PCDHGA6: variants seen among roughly 807,000 people sequenced by gnomAD.
PCDHGA6 encodes the protein protocadherin gamma subfamily A, 6.
Under a neutral mutation model 60.6 loss-of-function variants are expected in PCDHGA6, and 41 were observed. The observed-to-expected ratio is 0.68, with a 90% CI of 0.53 to 0.88. The LOEUF is 0.88. PCDHGA6 is among the 40% of genes least tolerant of loss of function. The probability of loss-of-function intolerance (pLI) is 0.00; values close to 1 mark genes in which losing one functional copy is unlikely to be tolerated. For missense variants in PCDHGA6, 1,312 were observed against 1,203.0 expected (o/e 1.09, Z -1.34); for synonymous variants, 594 against 524.4 (o/e 1.13, Z -1.81).
At chr5:141,441,984 A>G (rs1202392318) in intron 1 of PCDHGA6, 4 of 275,400 alleles carry the variant, frequency 1.5e-5, no homozygotes, top group South Asian at 7.2e-5. Flanking sequence ...TGGAATGCGC[A>G]CCGACGAGGT....
intron 1 of PCDHGA6, chr5:141,399,859 G>T: frequency 1.2e-6 from 2 of 1,612,844 alleles, no homozygotes; most frequent in Non-Finnish European, 1.7e-6. Context: ...GCCGCGCGCT[G>T]CAGAGCCCGG....
chr5:141,457,428 C>G (rs72790053), intron 1 of PCDHGA6, among the ~76,000 whole-genome samples: 1,866 of 152,262 alleles, frequency 0.012, 18 homozygotes, highest in Non-Finnish European at 0.017. Context: ...TTTTTCCCCC[C>G]CACCAAGCTG....
chr5:141,419,746 G>A (rs1561783927), intron 1 of PCDHGA6: 2 of 1,613,896 alleles, frequency 1.2e-6, no homozygotes, highest in Admixed American at 1.7e-5. Context: ...TGCGCATGGT[G>A]CGTGCTTTGG....
chr5:141,405,677 C>T (rs1204978047), intron 1 of PCDHGA6, among the ~76,000 whole-genome samples: 3 of 152,088 alleles, frequency 2.0e-5, no homozygotes, highest in African/African-American at 7.2e-5. Context: ...GGGGTGTCAC[C>T]ATGTTGGCCA....
At position 141,413,553 on chromosome 5, in the gene PCDHGA6, A is replaced by G; in HGVS notation, c.2424+37046A>G. On this transcript the variant is annotated intron_variant, in intron 1 of 3. Coordinates refer to ENST00000517434, the MANE Select transcript of PCDHGA6 (RefSeq NM_018919.3). ...TGAAACTTTTTGGGATAGAAATAGA[A>G]GTAACTGATATCAATGACAATGCTC... The G allele has an allele frequency of 6.2e-7, 1 of 1,613,938 alleles. No individual in the cohort carries two copies. Among genetic ancestry groups the G allele is most frequent in the Non-Finnish European group, 8.5e-7 (1 of 1,179,902 alleles).
At chr5:141,414,305 A>G (rs2095732833) in intron 1 of PCDHGA6, 2 of 1,613,604 alleles carry the variant, frequency 1.2e-6, no homozygotes, top group African/African-American at 2.7e-5. Flanking sequence ...AATGTGCATG[A>G]TTTAGACTCT....
At chr5:141,419,686 G>A (rs551990092) in intron 1 of PCDHGA6, 2 of 1,612,760 alleles carry the variant, frequency 1.2e-6, no homozygotes, top group Non-Finnish European at 1.7e-6. Flanking sequence ...ACCACGTGGT[G>A]CAGGCCAGTG....
At chr5:141,385,542 A>T (rs3763123) in intron 1 of PCDHGA6, 69,535 of 1,326,660 alleles carry the variant, frequency 0.052, 2,028 homozygotes, top group African/African-American at 0.1. Flanking sequence ...GAATATGTGG[A>T]CTATCACATT....
chr5:141,486,816 C>G lies in PCDHGA6; in HGVS notation c.2425-7991C>G. The G allele has an allele frequency of 6.2e-7, 1 of 1,614,252 alleles. No individual in the cohort carries two copies. Among genetic ancestry groups the G allele is most frequent in the East Asian group, 2.2e-5 (1 of 44,884 alleles). ...CGGGGCAACCCACCCCTTAGCAGCACTGTAACAGTTCGTCTATTTGTGCTG... is the reference window on the plus strand; with the variant it reads ...CGGGGCAACCCACCCCTTAGCAGCAGTGTAACAGTTCGTCTATTTGTGCTG... On this transcript the variant is annotated intron_variant, in intron 1 of 3. Coordinates refer to ENST00000517434, the MANE Select transcript of PCDHGA6 (RefSeq NM_018919.3). The surrounding 1 kb of genome is among the most constrained non-coding windows in gnomAD (Gnocchi z 5.0).
At chr5:141,464,131 G>C (rs982496493) in intron 1 of PCDHGA6, among the ~76,000 whole-genome samples, 19 of 152,056 alleles carry the variant, frequency 1.2e-4, no homozygotes, top group Admixed American at 2.0e-4. Flanking sequence ...TGGGTGTGGT[G>C]GTGGGCGCCT....
In PCDHGA6 at chr5:141,477,362, G is replaced by T. The variant is rs920445601; in HGVS notation, c.2425-17445G>T. 6.2e-7 allele frequency: 1 copy of T among 1,614,142 alleles called. No individual in the cohort carries two copies. The highest frequency in any genetic ancestry group is 1.3e-5 in the African/African-American group (1 of 75,022). On this transcript the variant is annotated intron_variant, in intron 1 of 3. Coordinates refer to ENST00000517434, the MANE Select transcript of PCDHGA6 (RefSeq NM_018919.3). The surrounding 1 kb of genome is among the most constrained non-coding windows in gnomAD (Gnocchi z 4.9). ...CACTTTGAAAACCAGTGCAGACCTG[G>T]ATCGGGAGACTGTGCCAGAATACAA...
At chr5:141,484,958 G>T in intron 1 of PCDHGA6, 1 of 575,874 alleles carries the variant, frequency 1.7e-6, no homozygotes. Flanking sequence ...TATTGGCTGA[G>T]CCCGGGAGCC....
chr5:141,404,879 G>A (rs770577946), intron 1 of PCDHGA6: 4 of 1,613,906 alleles, frequency 2.5e-6, no homozygotes, highest in Middle Eastern at 1.6e-4. Flanking sequence ...ACAGAGCCTT[G>A]TGGTGGCTGT....
chr5:141,468,419 G>A (rs1733006381), intron 1 of PCDHGA6: 1 of 151,826 alleles, frequency 6.6e-6, no homozygotes, highest in Admixed American at 6.6e-5. Flanking sequence ...AAGTTAGATA[G>A]CAAGGTAATA....
At chr5:141,466,965 C>A (rs1345790988) in intron 1 of PCDHGA6, among the ~76,000 whole-genome samples, 1 of 152,016 alleles carries the variant, frequency 6.6e-6, no homozygotes, top group East Asian at 1.9e-4. Context: ...CAAATATTTT[C>A]TCACAGCTCA....
intron 1 of PCDHGA6, chr5:141,377,804 G>A (rs1588845842): frequency 6.6e-6 from 1 of 152,230 alleles, no homozygotes; most frequent in Middle Eastern, 3.4e-3. Flanking sequence ...GTAACTATCT[G>A]TTATTTACTT....
intron 1 of PCDHGA6, among the ~76,000 whole-genome samples, chr5:141,446,758 C>A (rs776925316): frequency 6.6e-6 from 1 of 152,326 alleles, no homozygotes; most frequent in Non-Finnish European, 1.5e-5. Flanking sequence ...TGAGCCACCG[C>A]GCCCAGCCGG....
chr5:141,503,671 A>G (rs1028896082), intron 2 of PCDHGA6, among the ~76,000 whole-genome samples: 2 of 151,950 alleles, frequency 1.3e-5, no homozygotes, highest in Non-Finnish European at 2.9e-5. Flanking sequence ...AACTCTTCCC[A>G]CTTTTGGGAA....
chr5:141,408,509 G>T, intron 1 of PCDHGA6: 1 of 1,614,048 alleles, frequency 6.2e-7, no homozygotes, highest in Non-Finnish European at 8.5e-7. Flanking sequence ...AAGAAGATGT[G>T]AGTTGCAATT....
Sources: allele counts gnomAD v4.1 joint callset (sites outside exome capture counted in the v4.1 genomes callset), GRCh38; gene constraint gnomAD v4.1.1; non-coding constraint Gnocchi (gnomAD v3.1); transcripts MANE v1.5; gene names NCBI Gene and HGNC (gene_info 2026-07-23, HGNC 2026-07-21).